Variants in JAZF1 observed in about 807,000 individuals in gnomAD.
JAZF1 encodes the protein JAZF zinc finger 1, also known as juxtaposed with another zinc finger protein 1.
A neutral mutation model predicts 26.4 loss-of-function variants in JAZF1; 8 were observed. That is an observed-to-expected ratio of 0.30 (90% CI 0.18 to 0.55). The LOEUF is 0.55. Ranked by LOEUF, JAZF1 falls within the 20% of genes least tolerant of loss-of-function variation. The pLI, the probability that JAZF1 is intolerant of heterozygous loss-of-function variation, is 0.94. For missense variants in JAZF1, 199 were observed against 322.0 expected (o/e 0.62, Z 2.92); for synonymous variants, 126 against 122.3 (o/e 1.03, Z -0.20).
intron 1 of JAZF1, among the ~76,000 whole-genome samples, chr7:27,999,616 A>G (rs961662554): frequency 3.9e-5 from 6 of 152,224 alleles, no homozygotes; most frequent in Non-Finnish European, 8.8e-5. Flanking sequence ...GCATTGTACC[A>G]TATATATTTG....
At chr7:28,103,108 G>C (rs564737575) in intron 1 of JAZF1, among the ~76,000 whole-genome samples, 1 of 152,176 alleles carries the variant, frequency 6.6e-6, no homozygotes, top group Non-Finnish European at 1.5e-5. Flanking sequence ...ACTCTGCCTT[G>C]GCTTCCAGGT....
intron 1 of JAZF1, among the ~76,000 whole-genome samples, chr7:28,108,936 A>G (rs1784596758): frequency 6.6e-6 from 1 of 152,238 alleles, no homozygotes; most frequent in East Asian, 1.9e-4. Flanking sequence ...TCTAAATGAA[A>G]AAGTCAGACA....
At chr7:28,033,553 A>C (rs563839692) in intron 1 of JAZF1, among the ~76,000 whole-genome samples, 63 of 152,216 alleles carry the variant, frequency 4.1e-4, no homozygotes, top group African/African-American at 1.5e-3. Flanking sequence ...AGGTTTGGGG[A>C]ATTACTGTAA....
intron 2 of JAZF1, among the ~76,000 whole-genome samples, chr7:27,977,057 T>C (rs201860332): frequency 1.3e-5 from 2 of 152,352 alleles, no homozygotes; most frequent in East Asian, 1.9e-4. Flanking sequence ...ATGTTTATAA[T>C]GGCTACTCTG....
chr7:27,859,913 T>C (rs892915147), intron 3 of JAZF1, among the ~76,000 whole-genome samples: 1 of 152,118 alleles, frequency 6.6e-6, no homozygotes, highest in Admixed American at 6.5e-5. Context: ...GTCTGTAAAG[T>C]CTACGATAAT....
At chr7:28,077,074 T>G (rs1156461022) in intron 1 of JAZF1, among the ~76,000 whole-genome samples, 2 of 152,184 alleles carry the variant, frequency 1.3e-5, no homozygotes, top group East Asian at 1.9e-4. Context: ...TTTGTATTCT[T>G]TCACTAAACA....
At chr7:28,152,076 T>G (rs1471810160) in intron 1 of JAZF1, among the ~76,000 whole-genome samples, 4 of 152,106 alleles carry the variant, frequency 2.6e-5, no homozygotes, top group Admixed American at 6.5e-5. Context: ...GATGTGAGAG[T>G]TTCGATTTGA....
chr7:28,156,649 A>G (rs1783190382), intron 1 of JAZF1, among the ~76,000 whole-genome samples: 1 of 152,208 alleles, frequency 6.6e-6, no homozygotes, highest in South Asian at 2.1e-4. Flanking sequence ...GCTGGGTCTC[A>G]GCCCCATAGT....
At chr7:27,874,050 A>G in intron 3 of JAZF1, among the ~76,000 whole-genome samples, 1 of 152,228 alleles carries the variant, frequency 6.6e-6, no homozygotes, top group East Asian at 1.9e-4. Flanking sequence ...ATTAATTTGT[A>G]ACTCATTAAC....
At chr7:28,155,784 T>G (rs1021419372) in intron 1 of JAZF1, among the ~76,000 whole-genome samples, 1 of 152,236 alleles carries the variant, frequency 6.6e-6, no homozygotes, top group African/African-American at 2.4e-5. Context: ...TGTGTCTGTG[T>G]GTGTGTGCAC....
At chr7:27,945,091 G>A (rs1305786106) in intron 2 of JAZF1, among the ~76,000 whole-genome samples, 1 of 152,006 alleles carries the variant, frequency 6.6e-6, no homozygotes, top group Non-Finnish European at 1.5e-5. Context: ...AAAAGTGATC[G>A]AGAACTCACT....
intron 3 of JAZF1, among the ~76,000 whole-genome samples, chr7:27,889,251 T>G (rs1783925391): frequency 6.6e-6 from 1 of 151,916 alleles, no homozygotes; most frequent in East Asian, 1.9e-4. Flanking sequence ...ATTTCAACGT[T>G]CATCCTGATC....
chr7:28,161,828 G>C (rs1170502263), intron 1 of JAZF1, among the ~76,000 whole-genome samples: 2 of 152,132 alleles, frequency 1.3e-5, no homozygotes, highest in African/African-American at 4.8e-5. Flanking sequence ...TATGGTGAAG[G>C]CTTTGGAGTC....
chr7:28,077,440 T>C (rs1001955427), intron 1 of JAZF1, among the ~76,000 whole-genome samples: 2 of 152,260 alleles, frequency 1.3e-5, no homozygotes, highest in Non-Finnish European at 2.9e-5. Flanking sequence ...TTATACCGAC[T>C]CTGGTTTTAG....
At chr7:28,146,181 C>A (rs922949765) in intron 1 of JAZF1, among the ~76,000 whole-genome samples, 41 of 152,320 alleles carry the variant, frequency 2.7e-4, no homozygotes, top group East Asian at 7.7e-4. Flanking sequence ...AGAATTTAAA[C>A]AAAGAGTTGG....
At chr7:28,177,423 C>G (rs1466599496) in intron 1 of JAZF1, among the ~76,000 whole-genome samples, 1 of 152,148 alleles carries the variant, frequency 6.6e-6, no homozygotes, top group African/African-American at 2.4e-5. Flanking sequence ...TTAATCCAAA[C>G]TAAACATAAT....
rs1221985700 is a variant in JAZF1, at chr7:27,832,751, A to T, written c.*49T>A. On this transcript the variant is annotated 3_prime_UTR_variant, in exon 5 of 5. Coordinates refer to ENST00000283928, the MANE Select transcript of JAZF1 (RefSeq NM_175061.4). The stretch of plus-strand genomic sequence containing the variant: ...CCTGAAAAAAGGTGGCTGTTTTCAA[A>T]ATCAGCAACTGCTGGTGAGGATTTC... The T allele has an allele frequency of 7.1e-7, 1 of 1,400,882 alleles. No individual in the cohort carries two copies. The highest frequency in any genetic ancestry group is 2.7e-5 in the Admixed American group (1 of 37,482). The allele number at this position is 1,400,882 out of a possible 1,614,324, so 86.8% of individuals were successfully genotyped here.
At chr7:28,127,457 C>A (rs1782715801) in intron 1 of JAZF1, among the ~76,000 whole-genome samples, 1 of 152,058 alleles carries the variant, frequency 6.6e-6, no homozygotes, top group African/African-American at 2.4e-5. Flanking sequence ...TGATGCCTGA[C>A]TGGAAAACAC....
chr7:27,957,588 C>A (rs1011143443), intron 2 of JAZF1, among the ~76,000 whole-genome samples: 56 of 152,308 alleles, frequency 3.7e-4, no homozygotes, highest in African/African-American at 1.3e-3. Flanking sequence ...ATTTTCTACC[C>A]AGCCCAGTTC....
Sources: gnomAD v4.1 joint callset for allele counts (sites outside exome capture counted in the v4.1 genomes callset) on GRCh38, gnomAD v4.1.1 for gene constraint, MANE v1.5 for transcripts, NCBI Gene and HGNC (gene_info 2026-07-23, HGNC 2026-07-21) for gene names.